Variants in DRC3 observed in about 807,000 individuals in gnomAD.
DRC3 encodes the protein dynein regulatory complex subunit 3, also known as leucine rich repeat containing 48.
In DRC3, 45 loss-of-function variants were observed where a neutral mutation model predicts 57.6. That is an observed-to-expected ratio of 0.78 (90% CI 0.62 to 1.00). The LOEUF is 1.00. Among genes scored for constraint, DRC3 ranks in the 50% least tolerant of loss-of-function variants. The pLI is 0.00. For synonymous variants in DRC3, 257 were observed against 272.3 expected (o/e 0.94, Z 0.55); for missense variants, 655 against 675.2 (o/e 0.97, Z 0.33).
intron 2 of DRC3, among the ~76,000 whole-genome samples, chr17:17,976,202 AG>A (rs1364454831): frequency 6.6e-6 from 1 of 152,192 alleles, no homozygotes; most frequent in Non-Finnish European, 1.5e-5. Flanking sequence ...GGCAAGAATC[AG>A]GGGTGGAAAG....
At chr17:17,975,807 G>A (rs1397963298) in intron 2 of DRC3, among the ~76,000 whole-genome samples, 1 of 152,208 alleles carries the variant, frequency 6.6e-6, no homozygotes, top group Non-Finnish European at 1.5e-5. Flanking sequence ...GGGGTTGAAG[G>A]GTGTGGAGGC....
intron 4 of DRC3, among the ~76,000 whole-genome samples, chr17:17,986,948 C>G (rs1175926818): frequency 6.6e-6 from 1 of 152,110 alleles, no homozygotes; most frequent in Admixed American, 6.5e-5. Flanking sequence ...CATGGTGGCT[C>G]ACACCTGTAA....
intron 9 of DRC3, among the ~76,000 whole-genome samples, chr17:18,000,105 TGA>T (rs1491017096): frequency 9.2e-5 from 13 of 141,708 alleles, no homozygotes; most frequent in South Asian, 2.6e-4. Context: ...TGTGTGTGTG[TGA>T]GCATAGCATG....
intron 12 of DRC3, 171 bp downstream of exon 12, chr17:18,007,318 C>A (rs1034046356): frequency 2.6e-5 from 36 of 1,405,194 alleles, no homozygotes; most frequent in Middle Eastern, 3.5e-4. Flanking sequence ...AATAGGCTAA[C>A]AAAGCACCTG....
chr17:17,978,116 C>A, intron 3 of DRC3: 1 of 181,556 alleles, frequency 5.5e-6, no homozygotes, highest in Non-Finnish European at 1.2e-5. Flanking sequence ...CTAGGAAGTC[C>A]CACGTAGCCA....
At chr17:17,981,998 A>T (rs1045895789) in intron 3 of DRC3, among the ~76,000 whole-genome samples, 5 of 139,600 alleles carry the variant, frequency 3.6e-5, no homozygotes, top group East Asian at 2.1e-4. Context: ...ACAGGACCAA[A>T]TTTTTTTTTT....
At position 18,007,108 on chromosome 17, in the gene DRC3, G is replaced by GGGCGACCTGGACGAGGACCTGCCT. The variant is rs2043986619; in HGVS notation, c.1288_1311dup (p.Gly430_Pro437dup). ...TCAGCACCCTGGAGAAGATTGTCGA[G>GGGCGACCTGGACGAGGACCTGCCT]GGCGACCTGGACGAGGACCTGCCTA... On this transcript the variant is annotated inframe_insertion, in exon 12 of 14. Transcript: ENST00000399187. The GGGCGACCTGGACGAGGACCTGCCT allele has an allele frequency of 1.5e-6, 2 of 1,326,588 alleles. No homozygotes were observed. The highest frequency in any genetic ancestry group is 2.3e-5 in the African/African-American group (1 of 42,668). 82.2% of individuals were successfully genotyped at this position (1,326,588 alleles called of 1,614,324 possible).
chr17:18,016,696 T>A lies in DRC3; in HGVS notation c.*25T>A, dbSNP rs760642774. 6.7e-7 allele frequency: 1 copy of A among 1,491,014 alleles called. No individual in the cohort carries two copies. The highest frequency in any genetic ancestry group is 1.7e-5 in the Admixed American group (1 of 59,248). The allele number at this position is 1,491,014 out of a possible 1,614,324, so 92.4% of individuals were successfully genotyped here. ...GATGAATGTCAGCCACAGGAGCTTCTTCAAAACATAGCACCAGCCCCAGCC... is the reference window on the plus strand; with the variant it reads ...GATGAATGTCAGCCACAGGAGCTTCATCAAAACATAGCACCAGCCCCAGCC... On this transcript the variant is annotated 3_prime_UTR_variant, in exon 14 of 14. Coordinates refer to ENST00000399187, the MANE Select transcript of DRC3 (RefSeq NM_031294.4).
chr17:18,005,783 C>T, intron 10 of DRC3: 1 of 206,570 alleles, frequency 4.8e-6, no homozygotes. Flanking sequence ...GCTGGGAATA[C>T]TGACCCAGGC....
Position 18,008,824 on chromosome 17 carries a change from C to T in DRC3, c.1326+1677C>T, listed in dbSNP as rs573839069. Among the ~76,000 whole-genome samples the T allele has an allele frequency of 5.9e-5, 9 of 152,292 alleles. No homozygotes were observed. Among genetic ancestry groups the T allele is most frequent in the South Asian group, 4.1e-4 (2 of 4,828 alleles). The stretch of plus-strand genomic sequence containing the variant: ...CATCTTGGGGTGGGTGGAGATCCCT[C>T]CCAGCACAGCTCCCATGTCTGTGAC... On this transcript the variant is annotated intron_variant, in intron 12 of 13. Coordinates refer to ENST00000399187, the MANE Select transcript of DRC3 (RefSeq NM_031294.4). This position sits in a 1 kb window ranked among gnomAD's most constrained non-coding sequence, Gnocchi z 4.3.
At chr17:17,990,474 T>C (rs2043178299) in intron 5 of DRC3, among the ~76,000 whole-genome samples, 1 of 152,234 alleles carries the variant, frequency 6.6e-6, no homozygotes, top group Non-Finnish European at 1.5e-5. Flanking sequence ...TGTGCCAAGT[T>C]CTTTGCTGCC....
chr17:17,980,180 T>C (rs2042593375), intron 3 of DRC3, among the ~76,000 whole-genome samples: 1 of 151,546 alleles, frequency 6.6e-6, no homozygotes, highest in South Asian at 2.1e-4. Context: ...ACTGGGACTT[T>C]CACAACCTCA....
intron 7 of DRC3, among the ~76,000 whole-genome samples, chr17:17,994,668 T>C (rs2043382395): frequency 1.3e-5 from 2 of 152,168 alleles, no homozygotes; most frequent in African/African-American, 4.8e-5. Flanking sequence ...GAGAATGTGC[T>C]AAAAACAGTC....
At chr17:17,991,360 G>A (rs142604123) in intron 5 of DRC3, among the ~76,000 whole-genome samples, 4,935 of 128,792 alleles carry the variant, frequency 0.038, 97 homozygotes, top group Middle Eastern at 0.063. Context: ...GTGCAATCTC[G>A]GCTCACTGCA....
At chr17:17,976,809 G>A (rs1289593811) in intron 2 of DRC3, among the ~76,000 whole-genome samples, 1 of 152,216 alleles carries the variant, frequency 6.6e-6, no homozygotes, top group African/African-American at 2.4e-5. Context: ...CCAGCAAGAA[G>A]GAGGCAGCCT....
chr17:17,973,268 A>G (rs2042217927), intron 1 of DRC3, among the ~76,000 whole-genome samples: 1 of 151,980 alleles, frequency 6.6e-6, no homozygotes, highest in Non-Finnish European at 1.5e-5. Context: ...GCCTCCTTTC[A>G]TAGAAAGAGA....
At chr17:17,980,079 C>T (rs1026578094) in intron 3 of DRC3, among the ~76,000 whole-genome samples, 4 of 152,182 alleles carry the variant, frequency 2.6e-5, no homozygotes, top group African/African-American at 7.2e-5. Flanking sequence ...AGGGGAAGGG[C>T]GGTGTGCCCC....
chr17:18,000,299 CGTGT>C lies in DRC3; in HGVS notation c.999+2679_999+2682del, dbSNP rs34508417. On this transcript the variant is annotated intron_variant, in intron 9 of 13. Coordinates refer to ENST00000399187, the MANE Select transcript of DRC3 (RefSeq NM_031294.4). The stretch of plus-strand genomic sequence containing the variant: ...CATGCCTTGCTCTGTACTTTGCTTT[CGTGT>C]GTGTGTGTGTGTGCGCGCATAGCAT... Among the ~76,000 whole-genome samples the C allele has an allele frequency of 5.0e-4, 60 of 119,286 alleles. 1 individual carries two copies. Among genetic ancestry groups the C allele is most frequent in the South Asian group, 1.9e-3 (7 of 3,678 alleles). 78.3% of individuals were successfully genotyped at this position (119,286 alleles called of 152,430 possible). A position where few individuals can be genotyped will look rare whatever the true frequency, so the allele number is the denominator to read the frequency against.
At chr17:17,982,069 T>G (rs2042718624) in intron 3 of DRC3, among the ~76,000 whole-genome samples, 1 of 151,606 alleles carries the variant, frequency 6.6e-6, no homozygotes, top group Non-Finnish European at 1.5e-5. Context: ...CTAGGCTCAC[T>G]GCAACCTCTG....
Sources: allele counts gnomAD v4.1 joint callset (sites outside exome capture counted in the v4.1 genomes callset), GRCh38; gene constraint gnomAD v4.1.1; non-coding constraint Gnocchi (gnomAD v3.1); transcripts MANE v1.5; gene names NCBI Gene and HGNC (gene_info 2026-07-23, HGNC 2026-07-21).